The following SORCS2 variants were observed in gnomAD, a reference collection of about 807,000 sequenced individuals.
The protein encoded by SORCS2 is VPS10 domain-containing receptor SorCS2.
SORCS2 carries 100 observed loss-of-function variants against 141.6 expected under a neutral mutation model. The ratio of observed to expected loss-of-function variants is 0.71; its 90% CI spans 0.60 to 0.83. SORCS2 has a LOEUF of 0.83. Ranked by LOEUF, SORCS2 falls within the 40% of genes least tolerant of loss-of-function variation. The pLI is 0.00. For missense variants in SORCS2, 1,646 were observed against 1,560.2 expected (o/e 1.05, Z -0.93); for synonymous variants, 789 against 676.9 (o/e 1.17, Z -2.57).
At chr4:7,601,847 G>C (rs1347658130) in intron 3 of SORCS2, among the ~76,000 whole-genome samples, 1 of 152,098 alleles carries the variant, frequency 6.6e-6, no homozygotes, top group Non-Finnish European at 1.5e-5. Context: ...CCCTGAGTAT[G>C]TGAGATTAGG....
chr4:7,403,992 TATATA>T (rs1398189809), intron 2 of SORCS2, among the ~76,000 whole-genome samples: 33 of 6,886 alleles, frequency 4.8e-3, no homozygotes, highest in African/African-American at 0.011. Flanking sequence ...TATATATATA[TATATA>T]TTTTTTTTTT....
intron 2 of SORCS2, among the ~76,000 whole-genome samples, chr4:7,527,560 C>T (rs1733773726): frequency 6.6e-6 from 1 of 152,178 alleles, no homozygotes; most frequent in African/African-American, 2.4e-5. Context: ...GAGGTGCCTA[C>T]ACCTTGATTA....
chr4:7,196,795 T>C (rs1000364981), intron 1 of SORCS2, among the ~76,000 whole-genome samples: 1 of 152,140 alleles, frequency 6.6e-6, no homozygotes, highest in Non-Finnish European at 1.5e-5. Context: ...TTTGTGTATA[T>C]TTTATACCCA....
chr4:7,439,919 G>C (rs950414074), intron 2 of SORCS2, among the ~76,000 whole-genome samples: 30 of 152,134 alleles, frequency 2.0e-4, no homozygotes, highest in Non-Finnish European at 1.5e-5. Context: ...AGGTGGGTAT[G>C]TGCTGAGCAG....
chr4:7,640,193 AGT>A (rs145340682), intron 4 of SORCS2, among the ~76,000 whole-genome samples: 2 of 150,138 alleles, frequency 1.3e-5, no homozygotes, highest in Non-Finnish European at 3.0e-5. Context: ...AGCCTATGTG[AGT>A]GTGAGTGTGT....
chr4:7,721,859 A>G (rs1261256723), intron 18 of SORCS2, among the ~76,000 whole-genome samples: 1 of 152,200 alleles, frequency 6.6e-6, no homozygotes, highest in African/African-American at 2.4e-5. Context: ...GTACAACTAC[A>G]TAGGAGCCTA....
chr4:7,235,905 G>A (rs368119954), intron 1 of SORCS2, among the ~76,000 whole-genome samples: 13 of 152,320 alleles, frequency 8.5e-5, no homozygotes, highest in Admixed American at 2.0e-4. Flanking sequence ...GTGAGCACCC[G>A]TGAAACTCTA....
chr4:7,595,740 C>G (rs1717230680), intron 3 of SORCS2, among the ~76,000 whole-genome samples: 1 of 152,158 alleles, frequency 6.6e-6, no homozygotes, highest in Non-Finnish European at 1.5e-5. Context: ...GATTTGCTGC[C>G]CTGGTTCTGT....
At chr4:7,207,561 G>A (rs1036576369) in intron 1 of SORCS2, among the ~76,000 whole-genome samples, 1 of 152,182 alleles carries the variant, frequency 6.6e-6, no homozygotes, top group Non-Finnish European at 1.5e-5. Flanking sequence ...ATCTGCACTG[G>A]GGCTGGCAGG....
chr4:7,620,259 C>T (rs565977307), intron 3 of SORCS2, among the ~76,000 whole-genome samples: 11 of 152,314 alleles, frequency 7.2e-5, no homozygotes, highest in South Asian at 2.1e-4. Context: ...AAATAGGAGA[C>T]GCACAGTTGG....
chr4:7,730,490 G>T (rs966125388), intron 23 of SORCS2, among the ~76,000 whole-genome samples: 1 of 152,352 alleles, frequency 6.6e-6, no homozygotes, highest in Non-Finnish European at 1.5e-5. Flanking sequence ...TAGCCAAAAA[G>T]TGCTCATCGG....
intron 2 of SORCS2, among the ~76,000 whole-genome samples, chr4:7,460,968 CT>C (rs1729270435): frequency 1.3e-5 from 2 of 152,118 alleles, no homozygotes; most frequent in African/African-American, 4.8e-5. Flanking sequence ...TTTCTCCCCC[CT>C]CTCTTTCCAT....
intron 2 of SORCS2, among the ~76,000 whole-genome samples, chr4:7,465,125 G>A (rs752490577): frequency 9.9e-5 from 15 of 152,244 alleles, no homozygotes; most frequent in African/African-American, 3.1e-4. Context: ...ACCCGGGGCC[G>A]CTGGGCGAAA....
rs140063382 is a variant in SORCS2 at position 7,244,918 on chromosome 4, G to A, written c.480+51792G>A. Among the ~76,000 whole-genome samples the A allele has an allele frequency of 4.9e-3, 748 of 152,268 alleles. 1 individual carries two copies. The highest frequency in any genetic ancestry group is 7.5e-3 in the Non-Finnish European group (510 of 68,022). ...TGGACCTGAGTACCCAGCCCAGCCC[G>A]CCGCCCCTTCCTTGGCCAATTGGCT... On this transcript the variant is annotated intron_variant, in intron 1 of 26. Coordinates refer to ENST00000507866, the MANE Select transcript of SORCS2 (RefSeq NM_020777.3).
intron 1 of SORCS2, among the ~76,000 whole-genome samples, chr4:7,336,668 C>T (rs921875338): frequency 7.8e-6 from 1 of 128,772 alleles, no homozygotes; most frequent in Admixed American, 7.5e-5. Flanking sequence ...GGACTCTTGT[C>T]TCCAAGGATG....
At chr4:7,516,632 G>T (rs1733001549) in intron 2 of SORCS2, among the ~76,000 whole-genome samples, 1 of 152,188 alleles carries the variant, frequency 6.6e-6, no homozygotes, top group Admixed American at 6.5e-5. Context: ...TGCAGGACAG[G>T]CGTCGGGGCT....
chr4:7,358,125 GCA>G (rs1389784659), intron 1 of SORCS2, among the ~76,000 whole-genome samples: 1 of 152,206 alleles, frequency 6.6e-6, no homozygotes, highest in African/African-American at 2.4e-5. Context: ...ACAGGAAAGG[GCA>G]CAGAGAATGA....
intron 1 of SORCS2, among the ~76,000 whole-genome samples, chr4:7,325,503 C>T (rs187559910): frequency 2.0e-3 from 311 of 152,080 alleles, no homozygotes; most frequent in East Asian, 3.9e-3. Context: ...CTGTTGGTCT[C>T]ACACAGCTGC....
At chr4:7,629,643 C>A (rs904948076) in intron 3 of SORCS2, among the ~76,000 whole-genome samples, 2 of 152,012 alleles carry the variant, frequency 1.3e-5, no homozygotes, top group African/African-American at 4.8e-5. Context: ...CACTTCCTGC[C>A]ATGCCTGGAT....
Sources: gnomAD v4.1 joint callset for allele counts (sites outside exome capture counted in the v4.1 genomes callset) on GRCh38, gnomAD v4.1.1 for gene constraint, MANE v1.5 for transcripts, NCBI Gene and HGNC (gene_info 2026-07-23, HGNC 2026-07-21) for gene names.